Variants in CUTC observed in about 807,000 individuals in gnomAD.
CUTC encodes copper homeostasis protein cutC homolog.
CUTC carries 27 observed loss-of-function variants against 36.2 expected under a neutral mutation model. That is an observed-to-expected ratio of 0.75 (90% confidence interval 0.55 to 1.03). CUTC has a LOEUF of 1.03. Ranked by LOEUF, CUTC falls within the 50% of genes least tolerant of loss-of-function variation. The pLI is 0.00. For synonymous variants in CUTC, 114 were observed against 118.3 expected, an observed-to-expected ratio of 0.96 and a Z score of 0.24; for missense variants, 315 against 343.5, an observed-to-expected ratio of 0.92 and a Z score of 0.66.
rs758173583 is a variant in CUTC, at chr10:99,755,719, G to T, written c.802G>T (p.Ala268Ser). The T allele has an allele frequency of 1.2e-6, 2 of 1,611,162 alleles. No individual in the cohort carries two copies. The highest frequency in any genetic ancestry group is 1.7e-6 in the Non-Finnish European group (2 of 1,177,444). Residue 268 changes from alanine (A) to serine (S), a missense_variant, in exon 9 of 9, where the codon GCA becomes TCA. Transcript: ENST00000370476. ...CAAAGTAAGGACTTTGAATGCTATCGCAAAGAACATCCTGGTGTAGCCAGA... is the reference window on the plus strand; with the variant it reads ...CAAAGTAAGGACTTTGAATGCTATCTCAAAGAACATCCTGGTGTAGCCAGA... ...VTKVRTLNAI[A>S]KNILV
intron 6 of CUTC, among the ~76,000 whole-genome samples, chr10:99,749,217 G>T (rs1342560062): frequency 1.3e-5 from 2 of 152,150 alleles, no homozygotes; most frequent in East Asian, 3.8e-4. Flanking sequence ...TTAAAGCATA[G>T]GCTTTGTGAT....
rs867119673 is a variant in CUTC, at chr10:99,754,564, C to T, written c.637C>T (p.Leu213Phe). The T allele has an allele frequency of 1.2e-6, 2 of 1,613,540 alleles. No individual in the cohort carries two copies. The highest frequency in any genetic ancestry group is 1.3e-5 in the African/African-American group (1 of 75,006). ...GITDRNLQRI[L>F]EGSGATEFHC... ...AACAGACAGAAATCTACAAAGGATC[C>T]TTGAGGGTTCAGGTGCTACAGAATT... The change falls in exon 8 of 9, where the codon CTT becomes TTT. Residue 213 changes from leucine (L) to phenylalanine (F), a missense_variant. By Grantham distance (22) the Leu-to-Phe change is conservative. Coordinates refer to ENST00000370476, the MANE Select transcript of CUTC (RefSeq NM_015960.3).
chr10:99,736,440 C>T (rs1029080889), intron 2 of CUTC, 123 bp downstream of exon 2: 2 of 678,812 alleles, frequency 2.9e-6, no homozygotes, highest in Non-Finnish European at 5.0e-6. Context: ...CTTTCAGAAA[C>T]AACCAATTAG....
chr10:99,735,838 T>C lies in CUTC; in HGVS notation c.62-408T>C, dbSNP rs11190261. Among the ~76,000 whole-genome samples the C allele has an allele frequency of 9.8e-4, 149 of 152,342 alleles. 4 individuals carry two copies. In the East Asian group the frequency reaches 0.027, roughly 28 times the overall value. The stretch of plus-strand genomic sequence containing the variant: ...GAAAACTTAAGTAACTAATCTAGGA[T>C]CTCACACTAAATAGTTGGTGGGACA... On this transcript the variant is annotated intron_variant, in intron 1 of 8. Transcript: ENST00000370476.
At chr10:99,754,805 CTGTCTTAAA>C (rs1250941517) in intron 8 of CUTC, among the ~76,000 whole-genome samples, 171 bp downstream of exon 8, 1 of 152,142 alleles carries the variant, frequency 6.6e-6, no homozygotes, top group African/African-American at 2.4e-5. Context: ...GGTTCTTGTC[CTGTCTTAAA>C]TAAACAGGCT....
chr10:99,754,720 G>A, intron 8 of CUTC, 86 bp downstream of exon 8: 1 of 887,604 alleles, frequency 1.1e-6, no homozygotes, highest in Non-Finnish European at 1.8e-6. Context: ...ATGGGGGCAT[G>A]ATTAATCAAT....
chr10:99,753,554 C>T (rs530651248), intron 7 of CUTC, among the ~76,000 whole-genome samples: 3 of 152,242 alleles, frequency 2.0e-5, no homozygotes, highest in African/African-American at 7.2e-5. Flanking sequence ...GGTCTACAGG[C>T]ACCCACCACC....
At chr10:99,745,248 A>G (rs576805781) in intron 5 of CUTC, among the ~76,000 whole-genome samples, 14 of 152,378 alleles carry the variant, frequency 9.2e-5, no homozygotes, top group Non-Finnish European at 1.8e-4. Context: ...TCATATTTTC[A>G]AAATTTGTAG....
At chr10:99,748,354 G>GTAGACATCTGCTTA (rs2037394319) in intron 6 of CUTC, among the ~76,000 whole-genome samples, 1 of 152,232 alleles carries the variant, frequency 6.6e-6, no homozygotes, top group South Asian at 2.1e-4. Context: ...ATGTTCCTGT[G>GTAGACATCTGCTTA]TAGACATCTG....
chr10:99,750,491 A>C, intron 7 of CUTC, 95 bp downstream of exon 7: 2 of 813,446 alleles, frequency 2.5e-6, no homozygotes, highest in Non-Finnish European at 3.8e-6. Context: ...GTATTAGTAC[A>C]TTACATATTA....
chr10:99,751,675 T>A (rs1212290596), intron 7 of CUTC, among the ~76,000 whole-genome samples: 1 of 152,136 alleles, frequency 6.6e-6, no homozygotes, highest in African/African-American at 2.4e-5. Flanking sequence ...CTGGCCAACA[T>A]GGTGAAATCC....
At position 99,733,296 on chromosome 10, in the gene CUTC, G is replaced by A. The variant is rs56306436; in HGVS notation, c.61+887G>A. On this transcript the variant is annotated intron_variant, in intron 1 of 8. Coordinates refer to ENST00000370476, the MANE Select transcript of CUTC (RefSeq NM_015960.3). ...TGCACTCCACCCTGGGCGACAGAGCGAGACTCCGTCTCAAAAAAATAAAAA... is the reference window on the plus strand; with the variant it reads ...TGCACTCCACCCTGGGCGACAGAGCAAGACTCCGTCTCAAAAAAATAAAAA... Among the ~76,000 whole-genome samples, 200 of 152,058 alleles carry A rather than the reference G, an allele frequency of 1.3e-3. 1 individual carries two copies. The highest frequency in any genetic ancestry group is 4.7e-3 in the African/African-American group (196 of 41,480).
chr10:99,733,105 TCGAGAC>T, intron 1 of CUTC, among the ~76,000 whole-genome samples: 1 of 152,284 alleles, frequency 6.6e-6, no homozygotes, highest in Middle Eastern at 3.4e-3. Context: ...GCTCAGGAGT[TCGAGAC>T]CAGCCTGGCC....
At chr10:99,741,378 C>G (rs2037339498) in intron 3 of CUTC, among the ~76,000 whole-genome samples, 1 of 152,162 alleles carries the variant, frequency 6.6e-6, no homozygotes, top group Non-Finnish European at 1.5e-5. Flanking sequence ...CACATTATTT[C>G]TAATCCTTTT....
chr10:99,736,416 C>A, intron 2 of CUTC, 99 bp downstream of exon 2: 2 of 862,692 alleles, frequency 2.3e-6, no homozygotes, highest in Non-Finnish European at 3.8e-6. Flanking sequence ...GATCTCTAAG[C>A]ATCCCTCATA....
chr10:99,752,914 AG>A (rs1197118812), intron 7 of CUTC, among the ~76,000 whole-genome samples: 1 of 152,232 alleles, frequency 6.6e-6, no homozygotes, highest in Non-Finnish European at 1.5e-5. Context: ...CATATGAATA[AG>A]TACCAGCAAG....
At chr10:99,732,720 G>A in intron 1 of CUTC, 7 of 645,038 alleles carry the variant, frequency 1.1e-5, no homozygotes, top group Non-Finnish European at 1.2e-5. Flanking sequence ...GAGGATGCCA[G>A]TACCGCCCGC....
At chr10:99,739,074 C>G (rs2037319663) in intron 2 of CUTC, among the ~76,000 whole-genome samples, 1 of 152,146 alleles carries the variant, frequency 6.6e-6, no homozygotes, top group Admixed American at 6.5e-5. Context: ...AATTTGTTCT[C>G]TGTCTTCCCT....
chr10:99,739,379 A>G (rs2037321854), intron 2 of CUTC, among the ~76,000 whole-genome samples: 1 of 152,236 alleles, frequency 6.6e-6, no homozygotes, highest in African/African-American at 2.4e-5. Flanking sequence ...TTTCTTATCA[A>G]CAAAGACTCA....
Sources: gnomAD v4.1 joint callset for allele counts (sites outside exome capture counted in the v4.1 genomes callset) on GRCh38, gnomAD v4.1.1 for gene constraint, MANE v1.5 for transcripts, NCBI Gene and HGNC (gene_info 2026-07-23, HGNC 2026-07-21) for gene names.